RBFOX3: variants seen among roughly 807,000 people sequenced by gnomAD.
RBFOX3 encodes RNA binding fox-1 homolog 3.
Under a neutral mutation model 48.7 loss-of-function variants are expected in RBFOX3, and 17 were observed. The ratio of observed to expected loss-of-function variants is 0.35; its 90% CI spans 0.24 to 0.52. The LOEUF is 0.52. RBFOX3 is among the 20% of genes least tolerant of loss of function. The pLI, the probability that RBFOX3 is intolerant of heterozygous loss-of-function variation, is 0.94. For missense variants in RBFOX3, 382 were observed against 497.5 expected (o/e 0.77, Z 2.21); for synonymous variants, 212 against 209.5 (o/e 1.01, Z -0.10).
intron 4 of RBFOX3, among the ~76,000 whole-genome samples, chr17:79,224,217 A>G (rs1273904274): frequency 6.6e-6 from 1 of 152,052 alleles, no homozygotes; most frequent in African/African-American, 2.4e-5. Flanking sequence ...GATGCCTCCA[A>G]GGACCAAGGA....
At chr17:79,288,728 C>A (rs1463660513) in intron 3 of RBFOX3, among the ~76,000 whole-genome samples, 1 of 152,132 alleles carries the variant, frequency 6.6e-6, no homozygotes, top group Non-Finnish European at 1.5e-5. Context: ...GCGACATGCT[C>A]TCCTGGGATG....
chr17:79,184,085 G>A (rs1023640358), intron 4 of RBFOX3, among the ~76,000 whole-genome samples: 2 of 149,948 alleles, frequency 1.3e-5, no homozygotes, highest in East Asian at 2.0e-4. Context: ...CCTAAGGGAG[G>A]CCGGCTCAGT....
chr17:79,452,326 G>A (rs1555742200), intron 2 of RBFOX3, among the ~76,000 whole-genome samples: 2 of 152,206 alleles, frequency 1.3e-5, no homozygotes, highest in Non-Finnish European at 2.9e-5. Flanking sequence ...CCGCTGCGGA[G>A]GAACGCAGCA....
chr17:79,094,380 C>G lies in RBFOX3; in HGVS notation c.1077+71G>C, dbSNP rs775636170. 1.8e-4 allele frequency: 212 copies of G among 1,190,442 alleles called. 2 individuals carry two copies. The highest frequency in any genetic ancestry group is 9.9e-4 in the Middle Eastern group (5 of 5,042). 73.7% of individuals were successfully genotyped at this position (1,190,442 alleles called of 1,614,324 possible). ...TTGGTCAGAGGGCTCGGCCTCTCCC[C>G]CAAGGGCCTCACCACCCATGCCCAG... is the stretch of plus-strand genomic sequence containing the variant. On this transcript the variant is annotated intron_variant, in intron 14 of 14. Transcript: ENST00000693108.
chr17:79,174,519 A>G (rs1420682419), intron 4 of RBFOX3, among the ~76,000 whole-genome samples: 1 of 147,676 alleles, frequency 6.8e-6, no homozygotes, highest in African/African-American at 2.6e-5. Context: ...ACTCTCACCG[A>G]CTCACAGACA....
At chr17:79,180,026 G>T (rs899021124) in intron 4 of RBFOX3, among the ~76,000 whole-genome samples, 9 of 152,214 alleles carry the variant, frequency 5.9e-5, no homozygotes, top group African/African-American at 1.9e-4. Context: ...CCCCTCATGA[G>T]CTCTTAACAA....
chr17:79,547,129 G>A (rs546236960), intron 1 of RBFOX3, among the ~76,000 whole-genome samples: 73 of 152,270 alleles, frequency 4.8e-4, no homozygotes, highest in African/African-American at 1.7e-3. Flanking sequence ...GTCTGCCCTG[G>A]GGTTCAGAGA....
chr17:79,421,156 G>A lies in RBFOX3; in HGVS notation c.-175+61298C>T, dbSNP rs2066297324. On this transcript the variant is annotated intron_variant, in intron 2 of 14. Coordinates refer to ENST00000693108, the MANE Select transcript of RBFOX3 (RefSeq NM_001350451.2). The surrounding 1 kb of genome is among the most constrained non-coding windows in gnomAD (Gnocchi z 4.5). Reference sequence around the variant, plus strand: ...CACCGTCCTGGCTTCACAGCAGAGGGCAGGATGCTCCGTGCCCTAACCTAC... The same window carrying A: ...CACCGTCCTGGCTTCACAGCAGAGGACAGGATGCTCCGTGCCCTAACCTAC... 6.6e-6 allele frequency among the ~76,000 whole-genome samples: 1 copy of A among 152,126 alleles called. No homozygotes were observed. The highest frequency in any genetic ancestry group is 1.9e-4 in the East Asian group (1 of 5,178).
At chr17:79,215,834 G>T (rs1001455383) in intron 4 of RBFOX3, among the ~76,000 whole-genome samples, 36 of 152,254 alleles carry the variant, frequency 2.4e-4, no homozygotes, top group African/African-American at 7.7e-4. Flanking sequence ...GCACACTGCC[G>T]GGCTCAATGT....
chr17:79,420,882 G>C (rs1253703169), intron 2 of RBFOX3, among the ~76,000 whole-genome samples: 1 of 152,186 alleles, frequency 6.6e-6, no homozygotes, highest in Non-Finnish European at 1.5e-5. Flanking sequence ...GGCTGGTCTG[G>C]GGTCTCACGG....
At chr17:79,186,685 A>AG (rs1010265883) in intron 4 of RBFOX3, among the ~76,000 whole-genome samples, 5 of 151,676 alleles carry the variant, frequency 3.3e-5, no homozygotes, top group Admixed American at 6.6e-5. Flanking sequence ...ACTTAAAAAA[A>AG]AGAGGCAAGA....
Position 79,242,394 on chromosome 17 carries a change from T to G in RBFOX3, c.-73-6589A>C, listed in dbSNP as rs1022958515. 3.9e-5 allele frequency among the ~76,000 whole-genome samples: 6 copies of G among 152,152 alleles called. No homozygotes were observed. The highest frequency in any genetic ancestry group is 8.8e-5 in the Non-Finnish European group (6 of 68,012). Reference sequence around the variant, plus strand: ...GCAATTTTATAAATCACTATAAAATTATAAAATTTTTTATAAATTATAAAA... The same window carrying G: ...GCAATTTTATAAATCACTATAAAATGATAAAATTTTTTATAAATTATAAAA... On this transcript the variant is annotated intron_variant, in intron 3 of 14. Transcript: ENST00000693108. The surrounding 1 kb of genome is among the most constrained non-coding windows in gnomAD (Gnocchi z 5.8).
At position 79,109,809 on chromosome 17, in the gene RBFOX3, G is replaced by A. The variant is rs138498844; in HGVS notation, c.223-3021C>T. ...ACCAGCCCCGCGCCCACCCACAGGC[G>A]CTGGGGCATCCACCCCAAAGTCCTA... On this transcript the variant is annotated intron_variant, in intron 5 of 14. Transcript: ENST00000693108. Among the ~76,000 whole-genome samples the A allele has an allele frequency of 5.4e-3, 818 of 152,292 alleles. 3 individuals are homozygous for A. The highest frequency in any genetic ancestry group is 0.014 in the Middle Eastern group (4 of 294).
the RBFOX3 span, among the ~76,000 whole-genome samples, chr17:79,656,701 G>A: frequency 9.7e-5 from 1 of 10,296 alleles, no homozygotes; most frequent in African/African-American, 1.2e-4. Flanking sequence ...AGGAAGGAAG[G>A]AAGGAAGGAG....
At chr17:79,628,845 C>T in the RBFOX3 span, among the ~76,000 whole-genome samples, 808 of 152,294 alleles carry the variant, frequency 5.3e-3, 6 homozygotes, top group African/African-American at 0.018. Context: ...TTCACAGCAC[C>T]GGCCCTTTGG....
At chr17:79,246,928 C>T (rs1019105487) in intron 3 of RBFOX3, among the ~76,000 whole-genome samples, 8 of 152,164 alleles carry the variant, frequency 5.3e-5, no homozygotes, top group Admixed American at 5.2e-4. Context: ...CAGACGGCAC[C>T]ACTCAGCACG....
Position 79,481,305 on chromosome 17 carries a change from G to A in RBFOX3, c.-175+1149C>T, listed in dbSNP as rs978680389. ...CTCCAGTCCTCCCTGCCTGGGGGTC[G>A]CTGACCCACAGCTTTGCATTGTCTA... On this transcript the variant is annotated intron_variant, in intron 2 of 14. Coordinates refer to ENST00000693108, the MANE Select transcript of RBFOX3 (RefSeq NM_001350451.2). This position sits in a 1 kb window ranked among gnomAD's most constrained non-coding sequence, Gnocchi z 5.4. Among the ~76,000 whole-genome samples the A allele has an allele frequency of 3.3e-5, 5 of 152,140 alleles. No homozygotes were observed. Among genetic ancestry groups the A allele is most frequent in the African/African-American group, 4.8e-5 (2 of 41,420 alleles).
chr17:79,523,712 G>A (rs1054391129), intron 1 of RBFOX3, among the ~76,000 whole-genome samples: 6 of 152,266 alleles, frequency 3.9e-5, no homozygotes, highest in Admixed American at 6.5e-5. Context: ...GCCTGCCCTC[G>A]GGACTCACAA....
chr17:79,386,882 C>T (rs2060633552), intron 2 of RBFOX3, among the ~76,000 whole-genome samples: 1 of 152,238 alleles, frequency 6.6e-6, no homozygotes, highest in Non-Finnish European at 1.5e-5. Context: ...GGCAGGACCC[C>T]ATATTTTGAC....
Sources: allele counts gnomAD v4.1 joint callset (sites outside exome capture counted in the v4.1 genomes callset), GRCh38; gene constraint gnomAD v4.1.1; non-coding constraint Gnocchi (gnomAD v3.1); transcripts MANE v1.5; gene names NCBI Gene and HGNC (gene_info 2026-07-23, HGNC 2026-07-21).